Variants in NKAIN2 observed in about 807,000 individuals in gnomAD.
NKAIN2 encodes sodium/potassium transporting ATPase interacting 2.
In NKAIN2, 14 loss-of-function variants were observed where a neutral mutation model predicts 32.6. The ratio of observed to expected loss-of-function variants is 0.43; its 90% CI spans 0.28 to 0.67. The LOEUF is 0.67. NKAIN2 is among the 30% of genes least tolerant of loss of function. NKAIN2 has a pLI of 0.17. For synonymous variants in NKAIN2, 80 were observed against 87.2 expected (o/e 0.92, Z 0.46); for missense variants, 198 against 258.3 (o/e 0.77, Z 1.60).
chr6:124,152,108 A>G (rs1464596127), intron 1 of NKAIN2, among the ~76,000 whole-genome samples: 1 of 151,936 alleles, frequency 6.6e-6, no homozygotes. Context: ...TAAATTTATG[A>G]TCTATCTCAA....
At chr6:124,470,165 T>C (rs1776915837) in intron 3 of NKAIN2, among the ~76,000 whole-genome samples, 1 of 151,980 alleles carries the variant, frequency 6.6e-6, no homozygotes, top group African/African-American at 2.4e-5. Context: ...TGGCAGCTAG[T>C]GTGACAAGGA....
intron 1 of NKAIN2, among the ~76,000 whole-genome samples, chr6:123,811,549 C>T (rs1259482165): frequency 6.8e-5 from 5 of 73,114 alleles, no homozygotes; most frequent in Non-Finnish European, 1.1e-4. Flanking sequence ...GACTAAATAA[C>T]TATGACTTTG....
chr6:124,782,463 T>C (rs915078405), intron 4 of NKAIN2, among the ~76,000 whole-genome samples: 5 of 152,100 alleles, frequency 3.3e-5, no homozygotes, highest in Non-Finnish European at 7.4e-5. Flanking sequence ...CAACTAAATA[T>C]TTTAATACAA....
At chr6:124,811,045 C>G (rs1780882818) in intron 5 of NKAIN2, among the ~76,000 whole-genome samples, 1 of 151,944 alleles carries the variant, frequency 6.6e-6, no homozygotes, top group Admixed American at 6.6e-5. Context: ...TGATTCTTTT[C>G]AATTTGGCTT....
chr6:124,505,481 C>G (rs1778440734), intron 3 of NKAIN2, among the ~76,000 whole-genome samples: 1 of 152,138 alleles, frequency 6.6e-6, no homozygotes, highest in South Asian at 2.1e-4. Context: ...ACTGTGGCAC[C>G]AAATTTTAGT....
At chr6:124,726,426 AGGCACCCCCCAGCAGG>A (rs991299418) in intron 4 of NKAIN2, among the ~76,000 whole-genome samples, 4 of 152,250 alleles carry the variant, frequency 2.6e-5, no homozygotes, top group African/African-American at 4.8e-5. Flanking sequence ...CCTAACTGGG[AGGCACCCCCCAGCAGG>A]GGCACACTGA....
At chr6:124,601,997 T>C (rs1317451034) in intron 3 of NKAIN2, among the ~76,000 whole-genome samples, 2 of 152,046 alleles carry the variant, frequency 1.3e-5, no homozygotes, top group African/African-American at 4.8e-5. Context: ...ATCTCCCCAA[T>C]TTTTAGATAT....
intron 1 of NKAIN2, among the ~76,000 whole-genome samples, chr6:123,870,685 C>T (rs1200993095): frequency 6.6e-6 from 1 of 152,132 alleles, no homozygotes; most frequent in Non-Finnish European, 1.5e-5. Flanking sequence ...TTTCATGTCA[C>T]TTTATTCAAC....
intron 2 of NKAIN2, among the ~76,000 whole-genome samples, chr6:124,325,026 T>C (rs1583050974): frequency 6.6e-6 from 1 of 152,226 alleles, no homozygotes; most frequent in South Asian, 2.1e-4. Context: ...CAACTTTACA[T>C]ATATAAATTT....
intron 2 of NKAIN2, among the ~76,000 whole-genome samples, chr6:124,344,228 A>G (rs1253909033): frequency 6.6e-6 from 1 of 152,116 alleles, no homozygotes; most frequent in Non-Finnish European, 1.5e-5. Context: ...TGTTTTGGTT[A>G]CTGTAGCCTT....
intron 2 of NKAIN2, among the ~76,000 whole-genome samples, chr6:124,324,571 C>A (rs915125985): frequency 6.6e-6 from 1 of 151,958 alleles, no homozygotes. Context: ...ACTTTTCTTG[C>A]ATGATTGTGC....
At chr6:124,290,163 T>C (rs1228233155) in intron 2 of NKAIN2, among the ~76,000 whole-genome samples, 1 of 152,114 alleles carries the variant, frequency 6.6e-6, no homozygotes, top group African/African-American at 2.4e-5. Context: ...TGTGTTCCCT[T>C]GGGGAAATGT....
intron 3 of NKAIN2, among the ~76,000 whole-genome samples, chr6:124,547,522 C>T (rs947101633): frequency 6.6e-6 from 1 of 152,132 alleles, no homozygotes; most frequent in African/African-American, 2.4e-5. Flanking sequence ...CATTACAAAA[C>T]AATTATCCTT....
At chr6:123,827,945 A>G (rs1774218892) in intron 1 of NKAIN2, among the ~76,000 whole-genome samples, 4 of 151,998 alleles carry the variant, frequency 2.6e-5, no homozygotes, top group Admixed American at 2.0e-4. Context: ...TGTCTGACTT[A>G]AAAGACTTTT....
chr6:124,817,486 T>C (rs1194374608), intron 5 of NKAIN2, among the ~76,000 whole-genome samples: 4 of 152,138 alleles, frequency 2.6e-5, no homozygotes, highest in Non-Finnish European at 5.9e-5. Context: ...TAGCTTGGGC[T>C]TCCTTGTGGC....
intron 3 of NKAIN2, among the ~76,000 whole-genome samples, chr6:124,624,087 A>C (rs1008650056): frequency 6.6e-6 from 1 of 152,182 alleles, no homozygotes; most frequent in African/African-American, 2.4e-5. Flanking sequence ...GACACCAGAC[A>C]GGTAACAACT....
intron 3 of NKAIN2, among the ~76,000 whole-genome samples, chr6:124,579,386 T>C (rs1320352676): frequency 6.6e-6 from 1 of 152,216 alleles, no homozygotes; most frequent in Non-Finnish European, 1.5e-5. Flanking sequence ...GAATTCTATC[T>C]AACAAATTTA....
Position 124,363,019 on chromosome 6 carries a change from G to T in NKAIN2, c.273+7672G>T, listed in dbSNP as rs372722053. ...TAGGCTAATTTTTGTATTTTTAGTA[G>T]AGATGGGGTTTTGCAATGTTCGCCA... On this transcript the variant is annotated intron_variant, in intron 3 of 6. Coordinates refer to ENST00000368417, the MANE Select transcript of NKAIN2 (RefSeq NM_001040214.3). Among the ~76,000 whole-genome samples, 4 of 151,932 alleles carry T rather than the reference G, an allele frequency of 2.6e-5. No individual in the cohort carries two copies. In the East Asian group the frequency reaches 5.8e-4, roughly 22 times the overall value.
chr6:124,563,344 A>G (rs1780778476), intron 3 of NKAIN2, among the ~76,000 whole-genome samples: 1 of 152,222 alleles, frequency 6.6e-6, no homozygotes, highest in African/African-American at 2.4e-5. Context: ...CTGAGACCTA[A>G]AACAATCGTA....
Sources: allele counts gnomAD v4.1 joint callset (sites outside exome capture counted in the v4.1 genomes callset), GRCh38; gene constraint gnomAD v4.1.1; transcripts MANE v1.5; gene names NCBI Gene and HGNC (gene_info 2026-07-23, HGNC 2026-07-21).